IQSEC1: variants seen among roughly 807,000 people sequenced by gnomAD.
IQSEC1 encodes the protein IQ motif and Sec7 domain ArfGEF 1, also known as IQ motif and SEC7 domain-containing protein 1.
In IQSEC1, 31 loss-of-function variants were observed where a neutral mutation model predicts 91.0. The ratio of observed to expected loss-of-function variants is 0.34; its 90% CI spans 0.26 to 0.46. The LOEUF (loss-of-function observed/expected upper bound fraction) is 0.46. Ranked by LOEUF, IQSEC1 falls within the 20% of genes least tolerant of loss-of-function variation. The pLI, the probability that IQSEC1 is intolerant of heterozygous loss-of-function variation, is 1.00. For missense variants in IQSEC1, 1,388 were observed against 1,575.6 expected, an observed-to-expected ratio of 0.88 and a Z score of 2.02; for synonymous variants, 699 against 662.6, an observed-to-expected ratio of 1.05 and a Z score of -0.84.
chr3:13,125,045 C>T (rs1291952061), intron 2 of IQSEC1, among the ~76,000 whole-genome samples: 2 of 152,180 alleles, frequency 1.3e-5, no homozygotes, highest in African/African-American at 4.8e-5. Context: ...ACGCAAAATT[C>T]AGACAGCACC....
At chr3:13,091,849 C>A (rs1705866764) in intron 2 of IQSEC1, among the ~76,000 whole-genome samples, 2 of 150,996 alleles carry the variant, frequency 1.3e-5, no homozygotes, top group African/African-American at 4.8e-5. Flanking sequence ...CTAGGAAAGC[C>A]ACATCCTCTG....
At chr3:13,127,104 T>C (rs1241808900) in intron 2 of IQSEC1, among the ~76,000 whole-genome samples, 3 of 152,212 alleles carry the variant, frequency 2.0e-5, no homozygotes, top group Non-Finnish European at 4.4e-5. Flanking sequence ...CTTTGGCTTA[T>C]ACGTGTAAGT....
chr3:13,136,136 A>G (rs1156600634), intron 2 of IQSEC1, among the ~76,000 whole-genome samples: 1 of 152,218 alleles, frequency 6.6e-6, no homozygotes, highest in Non-Finnish European at 1.5e-5. Context: ...AAGACACAGA[A>G]TAGAAACTTG....
chr3:13,052,836 A>G, intron 1 of IQSEC1: 1 of 638,388 alleles, frequency 1.6e-6, no homozygotes, highest in Non-Finnish European at 2.8e-6. Context: ...TAACATATTC[A>G]GAGAGAAAAA....
intron 1 of IQSEC1, among the ~76,000 whole-genome samples, chr3:13,176,732 G>A (rs368339351): frequency 4.6e-5 from 7 of 152,220 alleles, no homozygotes; most frequent in African/African-American, 1.7e-4. Flanking sequence ...GCACCTGCCT[G>A]CCGGGAACAG....
chr3:13,089,649 C>G (rs1705803202), intron 2 of IQSEC1, among the ~76,000 whole-genome samples: 1 of 152,152 alleles, frequency 6.6e-6, no homozygotes, highest in South Asian at 2.1e-4. Flanking sequence ...ACCTTGGAAA[C>G]ATGATGCTAA....
At chr3:12,996,346 C>T (rs140171400) in intron 1 of IQSEC1, among the ~76,000 whole-genome samples, 1 of 152,108 alleles carries the variant, frequency 6.6e-6, no homozygotes, top group Non-Finnish European at 1.5e-5. Flanking sequence ...TCTGTTGGAC[C>T]TGGGCAAGTC....
intron 1 of IQSEC1, among the ~76,000 whole-genome samples, chr3:12,966,267 G>A (rs1027785588): frequency 6.6e-6 from 1 of 152,182 alleles, no homozygotes; most frequent in Non-Finnish European, 1.5e-5. Context: ...CAGGCTCAGC[G>A]CTCCAGGCCT....
intron 1 of IQSEC1, among the ~76,000 whole-genome samples, chr3:13,036,739 T>A (rs1207494920): frequency 2.0e-5 from 3 of 152,194 alleles, no homozygotes; most frequent in Admixed American, 6.5e-5. Context: ...AGCTGGCAGT[T>A]TGGGGAGCTT....
At chr3:13,127,154 T>G (rs1379195303) in intron 2 of IQSEC1, among the ~76,000 whole-genome samples, 1 of 152,202 alleles carries the variant, frequency 6.6e-6, no homozygotes, top group Non-Finnish European at 1.5e-5. Flanking sequence ...GGCTCACGCC[T>G]GTAATCCCAG....
chr3:12,939,236 C>T (rs1051352019), intron 2 of IQSEC1, among the ~76,000 whole-genome samples: 58 of 152,328 alleles, frequency 3.8e-4, no homozygotes, highest in African/African-American at 1.3e-3. Flanking sequence ...GAGTCGACCC[C>T]GTGGCCAGGG....
At chr3:13,145,811 G>GGT (rs1553568925) in intron 2 of IQSEC1, among the ~76,000 whole-genome samples, 16 of 134,068 alleles carry the variant, frequency 1.2e-4, no homozygotes, top group African/African-American at 3.4e-4. Flanking sequence ...GGGCGGGGGG[G>GGT]GGGGGTCCTG....
intron 5 of IQSEC1, 65 bp from the exon 6 acceptor site, chr3:12,920,661 C>A (rs374753027): frequency 1.4e-5 from 21 of 1,527,730 alleles, no homozygotes; most frequent in Non-Finnish European, 1.7e-5. Context: ...CTCTCTCACC[C>A]GCTGAGGCTG....
chr3:13,093,569 G>C (rs561323741), intron 2 of IQSEC1, among the ~76,000 whole-genome samples: 2 of 152,264 alleles, frequency 1.3e-5, no homozygotes, highest in East Asian at 3.9e-4. Flanking sequence ...CCAAGCTCAG[G>C]GGATGCCACG....
chr3:13,108,275 T>C (rs1241880953), intron 2 of IQSEC1, among the ~76,000 whole-genome samples: 2 of 152,222 alleles, frequency 1.3e-5, no homozygotes, highest in Non-Finnish European at 2.9e-5. Flanking sequence ...ATATAAATCA[T>C]GACATGGAAT....
At chr3:12,902,630 G>C (rs2125000933) in intron 13 of IQSEC1, 143 bp downstream of exon 13, 4 of 626,716 alleles carry the variant, frequency 6.4e-6, no homozygotes, top group East Asian at 5.5e-5. Flanking sequence ...TGTGCAGTAG[G>C]GGAAGGAAAA....
chr3:13,166,591 C>G (rs964333674), intron 1 of IQSEC1, among the ~76,000 whole-genome samples: 3 of 152,206 alleles, frequency 2.0e-5, no homozygotes, highest in Non-Finnish European at 4.4e-5. Context: ...ATGATAGCAA[C>G]AATTGGCCCC....
chr3:13,142,817 C>T (rs1559263437), intron 2 of IQSEC1, among the ~76,000 whole-genome samples: 1 of 152,200 alleles, frequency 6.6e-6, no homozygotes, highest in Non-Finnish European at 1.5e-5. Context: ...GTAGTTGTGG[C>T]AAAGGCTGCA....
At chr3:13,087,646 C>T (rs1276165016) in intron 2 of IQSEC1, among the ~76,000 whole-genome samples, 2 of 152,196 alleles carry the variant, frequency 1.3e-5, no homozygotes, top group Non-Finnish European at 2.9e-5. Context: ...CTACCACAAA[C>T]GGAAAACCAG....
Sources: allele counts gnomAD v4.1 joint callset (sites outside exome capture counted in the v4.1 genomes callset), GRCh38; gene constraint gnomAD v4.1.1; transcripts MANE v1.5; gene names NCBI Gene and HGNC (gene_info 2026-07-23, HGNC 2026-07-21).